TBC1D22A: variants seen among roughly 807,000 people sequenced by gnomAD.
TBC1D22A encodes the protein TBC1 domain family member 22A.
A neutral mutation model predicts 60.2 loss-of-function variants in TBC1D22A; 38 were observed. That is an observed-to-expected ratio of 0.63 (90% CI 0.49 to 0.83). The LOEUF (loss-of-function observed/expected upper bound fraction) is 0.83. Among genes scored for constraint, TBC1D22A ranks in the 40% least tolerant of loss-of-function variants. The pLI is 0.00. For missense variants in TBC1D22A, 628 were observed against 701.0 expected (o/e 0.90, Z 1.18); for synonymous variants, 302 against 281.7 (o/e 1.07, Z -0.72).
chr22:47,124,964 C>T (rs1158258360), intron 12 of TBC1D22A, among the ~76,000 whole-genome samples: 2 of 151,850 alleles, frequency 1.3e-5, no homozygotes, highest in Non-Finnish European at 2.9e-5. Flanking sequence ...GCTGAAGGAG[C>T]GTGGGTGGGA....
intron 4 of TBC1D22A, among the ~76,000 whole-genome samples, chr22:46,820,514 G>A (rs1887522151): frequency 1.3e-5 from 2 of 152,178 alleles, no homozygotes; most frequent in African/African-American, 2.4e-5. Context: ...TCAGGAGCAA[G>A]TTATTCAATT....
intron 3 of TBC1D22A, among the ~76,000 whole-genome samples, chr22:46,795,768 C>G (rs1324689855): frequency 2.0e-5 from 3 of 152,184 alleles, no homozygotes; most frequent in African/African-American, 7.2e-5. Context: ...GGGCTCTGCT[C>G]AGGAGTGAGC....
At chr22:46,850,114 A>G (rs888646639) in intron 4 of TBC1D22A, among the ~76,000 whole-genome samples, 23 of 152,140 alleles carry the variant, frequency 1.5e-4, no homozygotes, top group Non-Finnish European at 3.4e-4. Flanking sequence ...GCTGGAGTGC[A>G]TGGTGGATGC....
intron 1 of TBC1D22A, among the ~76,000 whole-genome samples, chr22:46,780,664 A>T (rs1322938820): frequency 1.3e-5 from 2 of 152,208 alleles, no homozygotes; most frequent in Non-Finnish European, 1.5e-5. Context: ...CTCATGGATT[A>T]GCTGCCTTCA....
chr22:46,991,781 G>A (rs568188156), intron 9 of TBC1D22A, among the ~76,000 whole-genome samples: 2 of 152,294 alleles, frequency 1.3e-5, no homozygotes, highest in African/African-American at 2.4e-5. Flanking sequence ...TTCCAGCCTC[G>A]GAACGGTCTC....
intron 6 of TBC1D22A, among the ~76,000 whole-genome samples, chr22:46,892,911 G>A (rs2156927): frequency 0.56 from 85,972 of 152,172 alleles, 27,085 homozygotes; most frequent in Middle Eastern, 0.79. Context: ...GTGGCAACGC[G>A]GTAGTTTTTC....
At chr22:46,845,081 A>C (rs2086931103) in intron 4 of TBC1D22A, among the ~76,000 whole-genome samples, 1 of 152,232 alleles carries the variant, frequency 6.6e-6, no homozygotes, top group Non-Finnish European at 1.5e-5. Context: ...CATTATCTGC[A>C]GGCGGTTGCC....
At chr22:46,960,713 G>A (rs13055722) in intron 8 of TBC1D22A, among the ~76,000 whole-genome samples, 5,377 of 152,228 alleles carry the variant, frequency 0.035, 123 homozygotes, top group Non-Finnish European at 0.054. Context: ...TTTGGAGGCC[G>A]AGGCGGGTGG....
chr22:46,782,093 C>T (rs752171612), intron 1 of TBC1D22A, among the ~76,000 whole-genome samples: 3 of 152,208 alleles, frequency 2.0e-5, no homozygotes, highest in Non-Finnish European at 2.9e-5. Context: ...CTCACTCTGT[C>T]GCCTAGGCTG....
intron 11 of TBC1D22A, among the ~76,000 whole-genome samples, chr22:47,094,151 G>T (rs138495807): frequency 6.6e-6 from 1 of 152,168 alleles, no homozygotes; most frequent in East Asian, 1.9e-4. Context: ...TCATTGTCCG[G>T]ATCTGGTGAG....
chr22:46,775,328 G>C (rs1449355872), intron 1 of TBC1D22A, among the ~76,000 whole-genome samples: 2 of 152,262 alleles, frequency 1.3e-5, no homozygotes, highest in African/African-American at 2.4e-5. Flanking sequence ...GTCAAGAGGA[G>C]ATCTGGCCTT....
rs372278933 is a variant in TBC1D22A, at chr22:46,808,219, G to A, written c.637+10599G>A. On this transcript the variant is annotated intron_variant, in intron 4 of 12. Coordinates refer to ENST00000337137, the MANE Select transcript of TBC1D22A (RefSeq NM_014346.5). ...CTAAAAATACAAAAATTAGCCGGGC[G>A]TGATGGCACACGCCTGTAATCCCAG... Among the ~76,000 whole-genome samples the A allele has an allele frequency of 4.6e-4, 70 of 152,160 alleles. 1 individual carries two copies. Among genetic ancestry groups the A allele is most frequent in the African/African-American group, 1.6e-3 (65 of 41,512 alleles).
intron 11 of TBC1D22A, among the ~76,000 whole-genome samples, chr22:47,041,406 G>C (rs189005829): frequency 3.9e-5 from 6 of 152,304 alleles, no homozygotes; most frequent in Admixed American, 3.3e-4. Flanking sequence ...CACTCAGGGT[G>C]GACTCCTGCT....
chr22:47,125,253 G>A (rs1405045202), intron 12 of TBC1D22A, among the ~76,000 whole-genome samples: 2 of 152,176 alleles, frequency 1.3e-5, no homozygotes, highest in African/African-American at 2.4e-5. Context: ...GACCGTCCCC[G>A]GAGAGCCCAT....
At chr22:46,782,289 G>C (rs920764124) in intron 1 of TBC1D22A, among the ~76,000 whole-genome samples, 1 of 152,212 alleles carries the variant, frequency 6.6e-6, no homozygotes, top group Admixed American at 6.5e-5. Flanking sequence ...TCTTGACCTT[G>C]TGATCTGCCT....
chr22:47,008,633 G>A (rs1234580312), intron 10 of TBC1D22A, among the ~76,000 whole-genome samples: 1 of 152,218 alleles, frequency 6.6e-6, no homozygotes, highest in Non-Finnish European at 1.5e-5. Context: ...GGACAACGAT[G>A]GGCTGCAGCA....
chr22:46,888,481 G>A (rs1216858840), intron 5 of TBC1D22A, among the ~76,000 whole-genome samples: 1 of 151,890 alleles, frequency 6.6e-6, no homozygotes, highest in Non-Finnish European at 1.5e-5. Flanking sequence ...GTGAAAGCTT[G>A]TTGTGCCCGC....
intron 12 of TBC1D22A, among the ~76,000 whole-genome samples, chr22:47,119,522 A>C (rs2066195658): frequency 1.3e-5 from 2 of 151,052 alleles, no homozygotes; most frequent in South Asian, 4.2e-4. Flanking sequence ...TTTGAGACGA[A>C]GTCTCACACT....
intron 5 of TBC1D22A, among the ~76,000 whole-genome samples, chr22:46,883,634 G>A (rs1473393628): frequency 6.6e-6 from 1 of 152,142 alleles, no homozygotes; most frequent in Non-Finnish European, 1.5e-5. Flanking sequence ...TGGATTTTTT[G>A]TTGCCACTGA....
Sources: gnomAD v4.1 joint callset for allele counts (sites outside exome capture counted in the v4.1 genomes callset) on GRCh38, gnomAD v4.1.1 for gene constraint, MANE v1.5 for transcripts, NCBI Gene and HGNC (gene_info 2026-07-23, HGNC 2026-07-21) for gene names.